SPAM1: variants seen among roughly 807,000 people sequenced by gnomAD.
SPAM1 encodes sperm adhesion molecule 1.
In SPAM1, 22 loss-of-function variants were observed where a neutral mutation model predicts 29.6. The observed-to-expected ratio is 0.74, with a 90% CI of 0.53 to 1.06. The LOEUF is 1.06. SPAM1 is among the 50% of genes least tolerant of loss of function. SPAM1 has a pLI of 0.00. For missense variants in SPAM1, 534 were observed against 604.0 expected (o/e 0.88, Z 1.21); for synonymous variants, 194 against 204.6 (o/e 0.95, Z 0.44).
chr7:123,969,771 T>A (rs1281666220), intron 5 of SPAM1, among the ~76,000 whole-genome samples: 8 of 149,344 alleles, frequency 5.4e-5, no homozygotes, highest in Non-Finnish European at 1.5e-5. Flanking sequence ...TTTTGGCTAT[T>A]TGGGCTCTTT....
At chr7:123,951,731 C>T (rs973984752) in intron 2 of SPAM1, among the ~76,000 whole-genome samples, 1 of 152,228 alleles carries the variant, frequency 6.6e-6, no homozygotes, top group African/African-American at 2.4e-5. Context: ...AAGTGATTCT[C>T]CTGCCTCAGG....
At chr7:123,953,152 G>A (rs963577248) in intron 2 of SPAM1, among the ~76,000 whole-genome samples, 1 of 152,052 alleles carries the variant, frequency 6.6e-6, no homozygotes, top group East Asian at 1.9e-4. Flanking sequence ...TGTAGGCCCA[G>A]TAGTGATTTG....
intron 4 of SPAM1, among the ~76,000 whole-genome samples, chr7:123,959,146 G>A (rs1187493890): frequency 1.3e-5 from 2 of 151,874 alleles, no homozygotes; most frequent in Admixed American, 1.3e-4. Context: ...CTCCAATCAG[G>A]GCAAATGTCC....
chr7:123,959,291 T>C (rs1017475693), intron 4 of SPAM1, among the ~76,000 whole-genome samples, 193 bp from the exon 5 acceptor site: 1 of 152,096 alleles, frequency 6.6e-6, no homozygotes, highest in Non-Finnish European at 1.5e-5. Context: ...TGAAGTGGCA[T>C]GTGAAACTTA....
intron 1 of SPAM1, among the ~76,000 whole-genome samples, chr7:123,942,417 C>A (rs1027594939): frequency 2.0e-5 from 3 of 152,166 alleles, no homozygotes; most frequent in Non-Finnish European, 4.4e-5. Flanking sequence ...TAGTTTGAAA[C>A]ACATTTTTTC....
At chr7:123,961,667 TC>T (rs1180229397), downstream of SPAM1, among the ~76,000 whole-genome samples, 1 of 152,004 alleles carries the variant, frequency 6.6e-6, no homozygotes, top group African/African-American at 2.4e-5. Context: ...CTGATTTTTT[TC>T]CTTTGCTGTA....
intron 4 of SPAM1, 21 bp from the exon 5 acceptor site, chr7:123,959,463 T>A (rs1792317294): frequency 1.3e-6 from 2 of 1,512,540 alleles, no homozygotes; most frequent in Non-Finnish European, 9.0e-7. Context: ...ATATTCTGAC[T>A]GTCTTATAAT....
At chr7:123,940,481 A>G (rs1203472076) in intron 1 of SPAM1, among the ~76,000 whole-genome samples, 2 of 149,296 alleles carry the variant, frequency 1.3e-5, no homozygotes, top group African/African-American at 2.5e-5. Flanking sequence ...TTGACTTACC[A>G]TGCTTTTTTT....
intron 2 of SPAM1, among the ~76,000 whole-genome samples, chr7:123,951,881 C>T (rs1182436732): frequency 6.6e-6 from 1 of 152,142 alleles, no homozygotes; most frequent in African/African-American, 2.4e-5. Context: ...CTTGGCCTTC[C>T]AAAGTGCTCG....
chr7:123,926,111 G>A (rs1375778502), intron 1 of SPAM1: 2 of 152,204 alleles, frequency 1.3e-5, no homozygotes, highest in Non-Finnish European at 2.9e-5. Context: ...TAAGCAGATA[G>A]CTAGAGATAA....
intron 6 of SPAM1, chr7:123,970,976 C>G (rs1048097317): frequency 6.6e-6 from 1 of 151,904 alleles, no homozygotes; most frequent in Non-Finnish European, 1.5e-5. Context: ...GTTTACTCAG[C>G]TAACTCTGTC....
chr7:123,962,264 G>T (rs1214796647), downstream of SPAM1, among the ~76,000 whole-genome samples: 1 of 151,832 alleles, frequency 6.6e-6, no homozygotes, highest in South Asian at 2.1e-4. Flanking sequence ...TTTCCCTGAT[G>T]ATTAGTAAAG....
At chr7:123,926,029 C>T (rs1329641853) in intron 1 of SPAM1, 1 of 152,070 alleles carries the variant, frequency 6.6e-6, no homozygotes, top group Non-Finnish European at 1.5e-5. Context: ...AACCCCAATT[C>T]ATCATGCCAA....
intron 1 of SPAM1, among the ~76,000 whole-genome samples, chr7:123,934,098 A>G (rs535352583): frequency 6.6e-6 from 1 of 152,334 alleles, no homozygotes; most frequent in Admixed American, 6.5e-5. Context: ...GTTATACCAC[A>G]TAGTTTAGGT....
intron 6 of SPAM1, chr7:123,970,351 TCC>T (rs1158108829): frequency 2.2e-6 from 3 of 1,347,900 alleles, no homozygotes; most frequent in Non-Finnish European, 1.0e-6. Context: ...CCTTGTTTCT[TCC>T]CCTTATAAGG....
intron 2 of SPAM1, among the ~76,000 whole-genome samples, chr7:123,951,458 A>G (rs1444888917): frequency 6.6e-6 from 1 of 152,118 alleles, no homozygotes; most frequent in Non-Finnish European, 1.5e-5. Flanking sequence ...CTAATCCTCA[A>G]TTTTGTGCCA....
downstream of SPAM1, among the ~76,000 whole-genome samples, chr7:123,964,817 T>C (rs1347231793): frequency 6.6e-6 from 1 of 152,060 alleles, no homozygotes; most frequent in African/African-American, 2.4e-5. Context: ...ATTATACAAA[T>C]GTTTTTAAGG....
chr7:123,951,825 T>C (rs565979385), intron 2 of SPAM1, among the ~76,000 whole-genome samples: 1 of 152,276 alleles, frequency 6.6e-6, no homozygotes, highest in Non-Finnish European at 1.5e-5. Context: ...TTTCACCACG[T>C]TGGTCAGGCT....
chr7:123,954,945 T>C (rs1792215082), intron 3 of SPAM1, 52 bp from the exon 4 acceptor site: 2 of 1,205,192 alleles, frequency 1.7e-6, no homozygotes, highest in South Asian at 1.2e-5. Flanking sequence ...GTCCTATGTA[T>C]AGCACTTTCA....
Sources: gnomAD v4.1 joint callset for allele counts (sites outside exome capture counted in the v4.1 genomes callset) on GRCh38, gnomAD v4.1.1 for gene constraint, MANE v1.5 for transcripts, NCBI Gene and HGNC (gene_info 2026-07-23, HGNC 2026-07-21) for gene names.